The following APBA2 variants were observed in gnomAD, a reference collection of about 807,000 sequenced individuals.
APBA2 encodes amyloid beta precursor protein binding family A member 2.
A neutral mutation model predicts 75.0 loss-of-function variants in APBA2; 30 were observed. The observed-to-expected ratio is 0.40, with a 90% CI of 0.30 to 0.54. The LOEUF (loss-of-function observed/expected upper bound fraction) is 0.54, where lower values mean the gene tolerates loss of function less well. Among genes scored for constraint, APBA2 ranks in the 20% least tolerant of loss-of-function variants. The pLI is 0.49. For synonymous variants in APBA2, 444 were observed against 409.6 expected, an observed-to-expected ratio of 1.08 and a Z score of -1.01; for missense variants, 801 against 1,016.1, an observed-to-expected ratio of 0.79 and a Z score of 2.88.
At chr15:29,085,787 CTG>C (rs1330157001) in intron 6 of APBA2, among the ~76,000 whole-genome samples, 3 of 152,134 alleles carry the variant, frequency 2.0e-5, no homozygotes, top group African/African-American at 4.8e-5. Context: ...TGCCCCAGGT[CTG>C]GAACCAGTTG....
chr15:28,941,266 G>C (rs1439668875), intron 2 of APBA2, among the ~76,000 whole-genome samples: 1 of 152,140 alleles, frequency 6.6e-6, no homozygotes, highest in African/African-American at 2.4e-5. Context: ...GCTGGGCGCT[G>C]GTGGCCCTGG....
chr15:29,013,507 T>G (rs1313693925), intron 3 of APBA2, among the ~76,000 whole-genome samples: 1 of 152,072 alleles, frequency 6.6e-6, no homozygotes, highest in Admixed American at 6.5e-5. Context: ...GGTCTTGATG[T>G]CCTGACCTCG....
chr15:28,914,984 C>T (rs1201523794), intron 1 of APBA2, among the ~76,000 whole-genome samples: 1 of 149,016 alleles, frequency 6.7e-6, no homozygotes, highest in African/African-American at 2.5e-5. Flanking sequence ...ACCCCATACA[C>T]GCCACACACA....
At chr15:29,045,931 C>A (rs2041304396) in intron 3 of APBA2, among the ~76,000 whole-genome samples, 1 of 152,194 alleles carries the variant, frequency 6.6e-6, no homozygotes, top group African/African-American at 2.4e-5. Flanking sequence ...ATCTCCGGCT[C>A]TCTCCTGCCC....
At chr15:29,057,360 C>T (rs914821410) in intron 4 of APBA2, among the ~76,000 whole-genome samples, 2 of 152,182 alleles carry the variant, frequency 1.3e-5, no homozygotes, top group Non-Finnish European at 2.9e-5. Context: ...CTCTCTTCTA[C>T]TCATTTTACA....
chr15:28,993,786 G>A (rs1566883762), intron 2 of APBA2, among the ~76,000 whole-genome samples: 1 of 152,136 alleles, frequency 6.6e-6, no homozygotes, highest in Non-Finnish European at 1.5e-5. Flanking sequence ...CGATGGGCAG[G>A]TCTCCTAGGG....
Position 29,027,992 on chromosome 15 carries a change from T to C in APBA2, c.-40-25853T>C, listed in dbSNP as rs1017128350. Reference sequence around the variant, plus strand: ...ACATTAACACTCTTTTCGTTTTTTTTTTTAATTTAATTTTTAAGTTTTGGG... The same window carrying C: ...ACATTAACACTCTTTTCGTTTTTTTCTTTAATTTAATTTTTAAGTTTTGGG... On this transcript the variant is annotated intron_variant, in intron 3 of 14. Coordinates refer to ENST00000683413, the MANE Select transcript of APBA2 (RefSeq NM_001353788.2). Among the ~76,000 whole-genome samples the C allele has an allele frequency of 5.1e-4, 77 of 152,134 alleles. 3 individuals are homozygous for C. Among genetic ancestry groups the C allele is most frequent in the Non-Finnish European group, 2.9e-5 (2 of 68,032 alleles).
intron 4 of APBA2, among the ~76,000 whole-genome samples, chr15:29,068,057 C>T (rs1049224938): frequency 6.6e-5 from 10 of 152,208 alleles, no homozygotes; most frequent in African/African-American, 1.9e-4. Flanking sequence ...TGGGCACCAT[C>T]GTTACATTCA....
chr15:29,103,868 C>T, intron 10 of APBA2, among the ~76,000 whole-genome samples: 1 of 152,216 alleles, frequency 6.6e-6, no homozygotes, highest in Non-Finnish European at 1.5e-5. Flanking sequence ...GCGCTGCCCC[C>T]GGCCCTCCTG....
rs746154550 is a variant in APBA2 at position 28,950,218 on chromosome 15, C to G, written c.-95+28469C>G. On this transcript the variant is annotated intron_variant, in intron 2 of 14. Transcript: ENST00000683413. ...GTTTGGGGGAGGAAAACCACAGAAGCGAAGCACCATTTTCAACATACATCA... is the reference window on the plus strand; with the variant it reads ...GTTTGGGGGAGGAAAACCACAGAAGGGAAGCACCATTTTCAACATACATCA... 5.9e-5 allele frequency among the ~76,000 whole-genome samples: 9 copies of G among 152,278 alleles called. No homozygotes were observed. In the South Asian group the frequency reaches 1.9e-3, roughly 32 times the overall value.
chr15:28,967,182 A>G lies in APBA2; in HGVS notation c.-94-28571A>G, dbSNP rs182028827. 5.9e-5 allele frequency among the ~76,000 whole-genome samples: 9 copies of G among 152,136 alleles called. No homozygotes were observed. In the East Asian group the frequency reaches 1.5e-3, roughly 26 times the overall value. On this transcript the variant is annotated intron_variant, in intron 2 of 14. Coordinates refer to ENST00000683413, the MANE Select transcript of APBA2 (RefSeq NM_001353788.2). The stretch of plus-strand genomic sequence containing the variant: ...TTCTCCTTCATTTCTTTTTTTTGAT[A>G]GCAAATTTATTGAGTCATAATTCAC...
intron 2 of APBA2, among the ~76,000 whole-genome samples, chr15:28,962,359 C>A (rs2036521687): frequency 6.6e-6 from 1 of 151,902 alleles, no homozygotes; most frequent in South Asian, 2.1e-4. Context: ...TTCACGAGGT[C>A]AGGAGATTGA....
intron 2 of APBA2, among the ~76,000 whole-genome samples, chr15:28,971,856 A>G (rs1314797107): frequency 6.6e-6 from 1 of 152,204 alleles, no homozygotes; most frequent in Non-Finnish European, 1.5e-5. Flanking sequence ...GTAAATTAAT[A>G]TAAACCCAAG....
intron 2 of APBA2, among the ~76,000 whole-genome samples, chr15:28,933,420 T>C (rs1333529402): frequency 2.6e-5 from 4 of 152,190 alleles, no homozygotes. Context: ...GCTGGCTCTC[T>C]GGTCTTGGAC....
At chr15:28,910,909 C>T (rs549318065) in intron 1 of APBA2, among the ~76,000 whole-genome samples, 3 of 152,046 alleles carry the variant, frequency 2.0e-5, no homozygotes, top group South Asian at 2.1e-4. Flanking sequence ...CAGGGCCCAT[C>T]GTCTTGATTT....
intron 6 of APBA2, among the ~76,000 whole-genome samples, chr15:29,087,935 T>G (rs890096955): frequency 6.6e-6 from 1 of 152,156 alleles, no homozygotes. Context: ...GCCCCTCCAC[T>G]GGCTTTTGAC....
chr15:28,932,399 G>A (rs1413135992), intron 2 of APBA2, among the ~76,000 whole-genome samples: 1 of 152,170 alleles, frequency 6.6e-6, no homozygotes, highest in Admixed American at 6.5e-5. Context: ...CAGCCCCATG[G>A]TGTTTAGAGA....
chr15:29,100,476 G>T (rs559158546), intron 9 of APBA2, among the ~76,000 whole-genome samples: 2 of 152,354 alleles, frequency 1.3e-5, no homozygotes, highest in East Asian at 3.9e-4. Context: ...CAGTTGATTA[G>T]TTTTTTTGAG....
intron 4 of APBA2, among the ~76,000 whole-genome samples, chr15:29,058,468 AC>A (rs2041998156): frequency 6.6e-6 from 1 of 152,066 alleles, no homozygotes; most frequent in Non-Finnish European, 1.5e-5. Flanking sequence ...CCGAGATAGC[AC>A]CACTGCACTC....
Sources: gnomAD v4.1 joint callset for allele counts (sites outside exome capture counted in the v4.1 genomes callset) on GRCh38, gnomAD v4.1.1 for gene constraint, MANE v1.5 for transcripts, NCBI Gene and HGNC (gene_info 2026-07-23, HGNC 2026-07-21) for gene names.